The following DNAH5 variants were observed in gnomAD, a reference collection of about 807,000 sequenced individuals.
DNAH5 encodes the protein axonemal beta dynein heavy chain 5.
Under a neutral mutation model 518.2 loss-of-function variants are expected in DNAH5, and 372 were observed. The ratio of observed to expected loss-of-function variants is 0.72; its 90% confidence interval spans 0.66 to 0.78. The LOEUF is 0.78. Ranked by LOEUF, DNAH5 falls within the 30% of genes least tolerant of loss-of-function variation. The probability of loss-of-function intolerance (pLI) is 0.00; values close to 1 mark genes in which losing one functional copy is unlikely to be tolerated. For synonymous variants in DNAH5, 2,039 were observed against 2,025.9 expected (o/e 1.01, Z -0.17); for missense variants, 5,523 against 5,687.0 (o/e 0.97, Z 0.93).
chr5:13,881,905 A>G (rs1022494906), intron 21 of DNAH5, among the ~76,000 whole-genome samples: 5 of 152,104 alleles, frequency 3.3e-5, no homozygotes, highest in African/African-American at 4.8e-5. Flanking sequence ...GGTTTTCTGA[A>G]AAGCTACACA....
intron 21 of DNAH5, among the ~76,000 whole-genome samples, chr5:13,881,755 T>G (rs893200849): frequency 1.3e-5 from 2 of 151,598 alleles, no homozygotes; most frequent in Non-Finnish European, 2.9e-5. Flanking sequence ...ATACATAACC[T>G]AAAATTACAA....
Position 13,864,078 on chromosome 5 carries a change from G to A in DNAH5, c.4596+319C>T, listed in dbSNP as rs557422881. 9.2e-5 allele frequency among the ~76,000 whole-genome samples: 14 copies of A among 152,326 alleles called. No individual in the cohort carries two copies. In the East Asian group the frequency reaches 2.7e-3, roughly 29 times the overall value. The stretch of plus-strand genomic sequence containing the variant: ...CTCCCTAGCTTTATCACCCCCAGGT[G>A]AACCAAACTCATCTACCATAGGCTT... On this transcript the variant is annotated intron_variant, in intron 28 of 78. Coordinates refer to ENST00000265104, the MANE Select transcript of DNAH5 (RefSeq NM_001369.3).
In DNAH5 at chr5:13,735,275, C is replaced by T. The variant is rs770233429; in HGVS notation, c.11617G>A (p.Glu3873Lys). Residue 3873 changes from glutamate to lysine, a missense_variant, in exon 68 of 79, where the codon GAG becomes AAG. Physicochemically the swap from Glu to Lys is moderately conservative, Grantham distance 56. Around this residue, in one of 3 missense-constraint regions of DNAH5, gnomAD observed 5,121 missense variants for 5,223.3 expected, o/e 0.98. Coordinates refer to ENST00000265104, the MANE Select transcript of DNAH5 (RefSeq NM_001369.3). ...ITSKRIANII[E>K]HMTYEVYKYA... ...TTATAAACCTCGTAGGTCATGTGCT[C>T]GATGATATTAGCAATCCTCTTGCTT... 9.3e-6 allele frequency: 15 copies of T among 1,614,046 alleles called. No homozygotes were observed. The highest frequency in any genetic ancestry group is 5.5e-5 in the South Asian group (5 of 91,070).
rs533122211 is a variant in DNAH5 at position 13,831,198 on chromosome 5, C to G, written c.5883-423G>C. ...GGATCCTTTCAAATAGATTAATCCC[C>G]TTTTGAATCTAAGAGTTGGCCATTT... On this transcript the variant is annotated intron_variant, in intron 35 of 78. Coordinates refer to ENST00000265104, the MANE Select transcript of DNAH5 (RefSeq NM_001369.3). Among the ~76,000 whole-genome samples, 4 of 152,300 alleles carry G rather than the reference C, an allele frequency of 2.6e-5. No individual in the cohort carries two copies. In the South Asian group the frequency reaches 8.3e-4, roughly 32 times the overall value.
At chr5:13,702,434 G>A (rs1742234249) in intron 76 of DNAH5, among the ~76,000 whole-genome samples, 1 of 152,190 alleles carries the variant, frequency 6.6e-6, no homozygotes, top group South Asian at 2.1e-4. Context: ...TAAAAGAGAT[G>A]TGTGTTTATA....
intron 29 of DNAH5, among the ~76,000 whole-genome samples, 170 bp from the exon 30 acceptor site, chr5:13,859,775 T>C (rs1768132928): frequency 6.6e-6 from 1 of 152,172 alleles, no homozygotes; most frequent in Non-Finnish European, 1.5e-5. Context: ...CCACTTACTG[T>C]TCATTGTTAG....
At chr5:13,725,741 A>T (rs982648953) in intron 70 of DNAH5, among the ~76,000 whole-genome samples, 1 of 152,020 alleles carries the variant, frequency 6.6e-6, no homozygotes, top group Non-Finnish European at 1.5e-5. Flanking sequence ...TGCAAGCTCC[A>T]CTTTCCAAGT....
At chr5:13,905,099 C>G (rs1442815396) in intron 12 of DNAH5, among the ~76,000 whole-genome samples, 1 of 152,180 alleles carries the variant, frequency 6.6e-6, no homozygotes, top group Non-Finnish European at 1.5e-5. Flanking sequence ...TTAAAGGGAA[C>G]AATTTCTTTG....
At chr5:13,790,423 T>C (rs937300604) in intron 50 of DNAH5, among the ~76,000 whole-genome samples, 1 of 152,160 alleles carries the variant, frequency 6.6e-6, no homozygotes, top group African/African-American at 2.4e-5. Context: ...TGGAGGCCAT[T>C]ATCCTTAGCA....
intron 1 of DNAH5, among the ~76,000 whole-genome samples, chr5:13,985,289 G>T (rs1782960872): frequency 8.0e-6 from 1 of 124,838 alleles, no homozygotes; most frequent in Non-Finnish European, 1.7e-5. Context: ...AGGGTGGGGG[G>T]AGGGGGGAGT....
At chr5:13,757,272 A>C (rs1751130296) in intron 61 of DNAH5, among the ~76,000 whole-genome samples, 1 of 152,208 alleles carries the variant, frequency 6.6e-6, no homozygotes, top group South Asian at 2.1e-4. Flanking sequence ...GTCTTTGAGG[A>C]ATTGCCACAC....
intron 26 of DNAH5, 129 bp from the exon 27 acceptor site, chr5:13,866,035 T>C: frequency 3.4e-6 from 3 of 873,018 alleles, no homozygotes; most frequent in Non-Finnish European, 5.5e-6. Context: ...ATAGGAATAC[T>C]AAGTTGGCAT....
chr5:13,809,100 T>A lies in DNAH5; in HGVS notation c.7696A>T (p.Asn2566Tyr). Residue 2566 changes from asparagine (N) to tyrosine (Y), a missense_variant, in exon 46 of 79, where the codon AAT becomes TAT. Physicochemically the swap from Asn to Tyr is moderately radical, Grantham distance 143 (BLOSUM62 -2). Coordinates refer to ENST00000265104, the MANE Select transcript of DNAH5 (RefSeq NM_001369.3). ...AAGTCAGTCCTCACATTGTCAACAT[T>A]TGGCACCAGAATAGAACCATACTCT... is the stretch of plus-strand genomic sequence containing the variant. Reference protein sequence around the residue: ...TPEYGSILVPNVDNVRTDFLI... With the variant: ...TPEYGSILVPYVDNVRTDFLI... 6.2e-7 allele frequency: 1 copy of A among 1,614,196 alleles called. No individual in the cohort carries two copies. Among genetic ancestry groups the A allele is most frequent in the South Asian group, 1.1e-5 (1 of 91,088 alleles).
intron 60 of DNAH5, among the ~76,000 whole-genome samples, chr5:13,760,931 G>T (rs977360150): frequency 6.6e-6 from 1 of 152,224 alleles, no homozygotes; most frequent in African/African-American, 2.4e-5. Flanking sequence ...ATGCGGGTCT[G>T]TGTAACAGCA....
At chr5:13,735,424 T>C in intron 67 of DNAH5, 103 bp from the exon 68 acceptor site, 2 of 1,152,734 alleles carry the variant, frequency 1.7e-6, no homozygotes, top group Non-Finnish European at 2.5e-6. Flanking sequence ...GGAGGAAGAA[T>C]TCTTATTTTT....
At chr5:13,759,174 A>G (rs1019935807) in intron 60 of DNAH5, among the ~76,000 whole-genome samples, 191 bp from the exon 61 acceptor site, 7 of 152,262 alleles carry the variant, frequency 4.6e-5, no homozygotes, top group Admixed American at 2.6e-4. Context: ...TATAAGCAGA[A>G]AGTTACACTT....
chr5:13,794,072 A>AG lies in DNAH5; in HGVS notation c.7888-15_7888-14insC. On this transcript the variant is annotated splice_polypyrimidine_tract_variant and intron_variant, in intron 47 of 78. Transcript: ENST00000265104. ...CTCTATCGTCCTCTGTGAAAAAAAAATCAACTGAAACATCTGTGAAAATAT... is the reference window on the plus strand; with the variant it reads ...CTCTATCGTCCTCTGTGAAAAAAAAAGTCAACTGAAACATCTGTGAAAATAT... 1 of 1,614,072 alleles carries AG rather than the reference A, an allele frequency of 6.2e-7. No individual in the cohort carries two copies. Among genetic ancestry groups the AG allele is most frequent in the African/African-American group, 1.3e-5 (1 of 75,062 alleles).
rs747211582 is a variant in DNAH5, at chr5:13,870,840, C to T, written c.3761G>A (p.Arg1254Gln). Residue 1254 changes from arginine to glutamine, a missense_variant, in exon 24 of 79, where the codon CGG becomes CAG. This residue lies in a region of DNAH5 where 5,121 missense variants were observed against 5,223.3 expected (regional missense o/e 0.98). Coordinates refer to ENST00000265104, the MANE Select transcript of DNAH5 (RefSeq NM_001369.3). Reference sequence around the variant, plus strand: ...TTCTTTCAGCGCTGCCATTGCAATCCGAATATCATCTAGGTCCTTAATTGG... The same window carrying T: ...TTCTTTCAGCGCTGCCATTGCAATCTGAATATCATCTAGGTCCTTAATTGG... Reference protein sequence around the residue: ...NRPIKDLDDIRIAMAALKEIR... With the variant: ...NRPIKDLDDIQIAMAALKEIR... 2.2e-5 allele frequency: 35 copies of T among 1,613,632 alleles called. No homozygotes were observed. Among genetic ancestry groups the T allele is most frequent in the Non-Finnish European group, 2.6e-5 (31 of 1,179,820 alleles).
chr5:13,864,695 C>T, intron 27 of DNAH5, 58 bp from the exon 28 acceptor site: 1 of 1,581,894 alleles, frequency 6.3e-7, no homozygotes, highest in South Asian at 1.1e-5. Flanking sequence ...CATCACTGGA[C>T]CAAGACGGTC....
Sources: gnomAD v4.1 joint callset for allele counts (sites outside exome capture counted in the v4.1 genomes callset) on GRCh38, gnomAD v4.1.1 for gene constraint, gnomAD v4.1.1 regional missense constraint, MANE v1.5 for transcripts, NCBI Gene and HGNC (gene_info 2026-07-23, HGNC 2026-07-21) for gene names.